KIF13B: variants seen among roughly 807,000 people sequenced by gnomAD.
KIF13B encodes kinesin-like protein KIF13B.
KIF13B carries 127 observed loss-of-function variants against 222.0 expected under a neutral mutation model. The ratio of observed to expected loss-of-function variants is 0.57; its 90% CI spans 0.50 to 0.66. The LOEUF is 0.66. Ranked by LOEUF, KIF13B falls within the 30% of genes least tolerant of loss-of-function variation. KIF13B has a pLI of 0.00. For synonymous variants in KIF13B, 976 were observed against 919.0 expected, an observed-to-expected ratio of 1.06 and a Z score of -1.12; for missense variants, 2,173 against 2,379.0, an observed-to-expected ratio of 0.91 and a Z score of 1.80.
chr8:29,139,300 T>C (rs1810703845), intron 21 of KIF13B, among the ~76,000 whole-genome samples: 1 of 152,320 alleles, frequency 6.6e-6, no homozygotes, highest in South Asian at 2.1e-4. Flanking sequence ...TATTTTACTT[T>C]AATAGTAGAA....
intron 2 of KIF13B, among the ~76,000 whole-genome samples, chr8:29,233,388 T>G (rs188008253): frequency 6.6e-6 from 1 of 152,352 alleles, no homozygotes; most frequent in East Asian, 1.9e-4. Flanking sequence ...AATGTTTTAG[T>G]TAATAATGGT....
chr8:29,146,407 G>A lies in KIF13B; in HGVS notation c.2158C>T (p.Pro720Ser). Residue 720 changes from proline (P) to serine (S), a missense_variant, in exon 18 of 40, where the codon CCA (proline) becomes TCA (serine). By Grantham distance (74) the Pro-to-Ser change is moderately conservative. Coordinates refer to ENST00000524189, the MANE Select transcript of KIF13B (RefSeq NM_015254.4). ...CTGTTGGCATCCAGGCTGGAGGCTG[G>A]AATCTGTAGGGTAACTTTGTATTCT... ...RTEYKVTLQI[P>S]ASSLDANRKR... The A allele has an allele frequency of 6.2e-7, 1 of 1,613,918 alleles. No individual in the cohort carries two copies. The highest frequency in any genetic ancestry group is 8.5e-7 in the Non-Finnish European group (1 of 1,179,870).
At chr8:29,140,759 T>C in intron 19 of KIF13B, 142 bp from the exon 20 acceptor site, 2 of 785,138 alleles carry the variant, frequency 2.5e-6, no homozygotes, top group Non-Finnish European at 3.9e-6. Context: ...TAAAACATTC[T>C]AAAGTTTTTG....
intron 35 of KIF13B, among the ~76,000 whole-genome samples, chr8:29,106,799 T>C (rs1015178001): frequency 1.1e-4 from 16 of 152,196 alleles, no homozygotes; most frequent in East Asian, 1.9e-4. Flanking sequence ...AGAATTATCA[T>C]GAAGCAGCCA....
chr8:29,079,948 C>T (rs916794030), intron 37 of KIF13B, among the ~76,000 whole-genome samples: 1 of 152,076 alleles, frequency 6.6e-6, no homozygotes, highest in East Asian at 1.9e-4. Context: ...GCTGCTGAAG[C>T]GTGAAAAACC....
At chr8:29,262,684 G>A (rs1229222300) in intron 1 of KIF13B, among the ~76,000 whole-genome samples, 2 of 151,208 alleles carry the variant, frequency 1.3e-5, no homozygotes, top group Non-Finnish European at 3.0e-5. Context: ...ACCTCCGGGG[G>A]AGACGAGAGG....
At chr8:29,148,072 C>T (rs889730759) in intron 16 of KIF13B, among the ~76,000 whole-genome samples, 26 of 152,180 alleles carry the variant, frequency 1.7e-4, no homozygotes, top group African/African-American at 6.0e-4. Context: ...GTGGTGTGCA[C>T]GCCTGTCATC....
intron 25 of KIF13B, among the ~76,000 whole-genome samples, chr8:29,126,896 C>T (rs1810136178): frequency 6.6e-6 from 1 of 152,104 alleles, no homozygotes; most frequent in African/African-American, 2.4e-5. Flanking sequence ...TCTATGAAGG[C>T]TGAGACGTTT....
chr8:29,127,218 C>A lies in KIF13B; in HGVS notation c.3126G>T (p.Gly1042=), dbSNP rs1220898581. The A allele has an allele frequency of 6.2e-7, 1 of 1,613,906 alleles. No individual in the cohort carries two copies. Among genetic ancestry groups the A allele is most frequent in the Admixed American group, 1.7e-5 (1 of 60,008 alleles). ...TACATTCTTCCATCAGTGGTAAAGT[C>A]CCAGATTCCTGCACTGACTTCACTT... The part of the protein sequence containing the change: ...QVEVKSVQES[G]TLPLMEECIL... The change falls in exon 25 of 40, where the codon GGG becomes GGT. Residue 1042 remains glycine, a synonymous_variant. Coordinates refer to ENST00000524189, the MANE Select transcript of KIF13B (RefSeq NM_015254.4).
At chr8:29,112,178 T>C (rs145426543) in intron 32 of KIF13B, among the ~76,000 whole-genome samples, 402 of 152,286 alleles carry the variant, frequency 2.6e-3, no homozygotes, top group African/African-American at 9.2e-3. Flanking sequence ...CGGCCAGGCA[T>C]AGTGGCTCAC....
intron 35 of KIF13B, among the ~76,000 whole-genome samples, chr8:29,107,524 A>ATC (rs1414234731): frequency 6.6e-6 from 1 of 150,630 alleles, no homozygotes; most frequent in African/African-American, 2.5e-5. Context: ...GCGAAACATC[A>ATC]TCACACACAC....
intron 37 of KIF13B, among the ~76,000 whole-genome samples, chr8:29,084,992 T>TA (rs1442746112): frequency 7.2e-5 from 11 of 152,324 alleles, no homozygotes; most frequent in African/African-American, 2.6e-4. Flanking sequence ...CAAATCTCCA[T>TA]AAAAATGAGA....
chr8:29,080,312 A>C (rs1410616216), intron 37 of KIF13B, among the ~76,000 whole-genome samples: 1 of 113,664 alleles, frequency 8.8e-6, no homozygotes, highest in Non-Finnish European at 1.7e-5. Context: ...TGGGTGACAG[A>C]GTGAGACCCA....
chr8:29,119,982 A>G (rs1191243429), intron 29 of KIF13B, among the ~76,000 whole-genome samples: 1 of 152,202 alleles, frequency 6.6e-6, no homozygotes, highest in African/African-American at 2.4e-5. Flanking sequence ...ACGTTAATAC[A>G]TAGTTCTGCA....
Position 29,191,061 on chromosome 8 carries a change from T to C in KIF13B, c.163-4A>G. Reference sequence around the variant, plus strand: ...AACAATGATCATAAGCAAACACCTGTTGAAAATGAACATAAGTGTGTGTTA... The same window carrying C: ...AACAATGATCATAAGCAAACACCTGCTGAAAATGAACATAAGTGTGTGTTA... On this transcript the variant is annotated splice_polypyrimidine_tract_variant and splice_region_variant and intron_variant, in intron 3 of 39. Coordinates refer to ENST00000524189, the MANE Select transcript of KIF13B (RefSeq NM_015254.4). The C allele has an allele frequency of 6.2e-7, 1 of 1,605,182 alleles. No individual in the cohort carries two copies. The highest frequency in any genetic ancestry group is 8.5e-7 in the Non-Finnish European group (1 of 1,174,980).
In KIF13B at chr8:29,150,291, T is replaced by C. The variant is rs774986216; in HGVS notation, c.1622+6A>G. ...ATCTCTTTAAGGGACATGAACAACA[T>C]CATACCTGAAGAAATGATTGTTTCC... On this transcript the variant is annotated splice_donor_region_variant and intron_variant, in intron 15 of 39. Transcript: ENST00000524189. 4 of 1,508,810 alleles carry C rather than the reference T, an allele frequency of 2.7e-6. No homozygotes were observed. In the South Asian group the frequency reaches 3.5e-5, roughly 13 times the overall value. The allele number at this position is 1,508,810 out of a possible 1,614,324, so 93.5% of individuals were successfully genotyped here. A position where few individuals can be genotyped will look rare whatever the true frequency, so the allele number is the denominator to read the frequency against.
intron 36 of KIF13B, among the ~76,000 whole-genome samples, chr8:29,094,542 C>T (rs1293262098): frequency 2.6e-5 from 4 of 152,132 alleles, no homozygotes; most frequent in African/African-American, 7.2e-5. Flanking sequence ...GAGAAGTAGT[C>T]GTCAGAACAC....
intron 2 of KIF13B, among the ~76,000 whole-genome samples, chr8:29,201,206 G>A (rs1219280949): frequency 6.6e-6 from 1 of 152,188 alleles, no homozygotes; most frequent in African/African-American, 2.4e-5. Context: ...GATGACCATG[G>A]ATGAATGTGC....
Position 29,228,500 on chromosome 8 carries a change from G to T in KIF13B, c.149+16846C>A, listed in dbSNP as rs113048724. 1.7e-3 allele frequency among the ~76,000 whole-genome samples: 158 copies of T among 95,432 alleles called. 1 individual carries two copies. Among genetic ancestry groups the T allele is most frequent in the African/African-American group, 4.6e-3 (138 of 29,764 alleles). The allele number at this position is 95,432 out of a possible 152,430, so 62.6% of individuals were successfully genotyped here. On this transcript the variant is annotated intron_variant, in intron 2 of 39. Coordinates refer to ENST00000524189, the MANE Select transcript of KIF13B (RefSeq NM_015254.4). ...ATATATATATATATATGAGATACAG[G>T]TTCCTCCATTCTTAGGACAGCAAAG...
Sources: gnomAD v4.1 joint callset for allele counts (sites outside exome capture counted in the v4.1 genomes callset) on GRCh38, gnomAD v4.1.1 for gene constraint, MANE v1.5 for transcripts, NCBI Gene and HGNC (gene_info 2026-07-23, HGNC 2026-07-21) for gene names.